Variants in ST6GALNAC3 observed in about 807,000 individuals in gnomAD.
ST6GALNAC3 encodes alpha-N-acetylgalactosaminide alpha-2,6-sialyltransferase 3.
Under a neutral mutation model 32.7 loss-of-function variants are expected in ST6GALNAC3, and 25 were observed. That is an observed-to-expected ratio of 0.76 (90% confidence interval 0.56 to 1.07). ST6GALNAC3 has a LOEUF of 1.07. ST6GALNAC3 is among the 50% of genes least tolerant of loss of function. ST6GALNAC3 has a pLI of 0.00. For missense variants in ST6GALNAC3, 355 were observed against 382.4 expected, an observed-to-expected ratio of 0.93 and a Z score of 0.60; for synonymous variants, 129 against 133.1, an observed-to-expected ratio of 0.97 and a Z score of 0.21.
At chr1:76,297,621 T>C (rs372901160) in intron 1 of ST6GALNAC3, among the ~76,000 whole-genome samples, 1 of 152,040 alleles carries the variant, frequency 6.6e-6, no homozygotes, top group East Asian at 1.9e-4. Context: ...GAGCAAATCA[T>C]TCATCTTTTT....
intron 1 of ST6GALNAC3, among the ~76,000 whole-genome samples, chr1:76,129,675 T>C (rs1649485182): frequency 6.6e-6 from 1 of 152,138 alleles, no homozygotes; most frequent in African/African-American, 2.4e-5. Context: ...ATCAAAGAAG[T>C]GCCCTGATTT....
At chr1:76,165,652 CTT>C (rs1652075749) in intron 1 of ST6GALNAC3, among the ~76,000 whole-genome samples, 1 of 152,152 alleles carries the variant, frequency 6.6e-6, no homozygotes, top group South Asian at 2.1e-4. Context: ...ATAACCATTC[CTT>C]TTTCTCCACA....
intron 2 of ST6GALNAC3, among the ~76,000 whole-genome samples, chr1:76,368,708 T>A (rs564459953): frequency 7.9e-5 from 12 of 152,338 alleles, no homozygotes; most frequent in Admixed American, 4.6e-4. Context: ...TTTGTTAGGA[T>A]CATAATTCTA....
At chr1:76,590,250 T>C (rs1647027220) in intron 3 of ST6GALNAC3, among the ~76,000 whole-genome samples, 1 of 152,196 alleles carries the variant, frequency 6.6e-6, no homozygotes, top group Admixed American at 6.5e-5. Context: ...CTGCCATTAC[T>C]TTTTAGTGTC....
In ST6GALNAC3 at chr1:76,509,896, T is replaced by C. The variant is rs1661735973; in HGVS notation, c.623+97479T>C. Among the ~76,000 whole-genome samples the C allele has an allele frequency of 6.6e-6, 1 of 152,210 alleles. No individual in the cohort carries two copies. The highest frequency in any genetic ancestry group is 2.1e-4 in the South Asian group (1 of 4,832). The stretch of plus-strand genomic sequence containing the variant: ...TCAAGATCCTTAATTTAATTGCACC[T>C]ATGAAGTCCTTTTTGGCATGTAAAG... On this transcript the variant is annotated intron_variant, in intron 3 of 4. Transcript: ENST00000328299. The surrounding 1 kb of genome is among the most constrained non-coding windows in gnomAD (Gnocchi z 5.5).
chr1:76,369,560 G>C (rs1234360263), intron 2 of ST6GALNAC3, among the ~76,000 whole-genome samples: 1 of 152,236 alleles, frequency 6.6e-6, no homozygotes, highest in Non-Finnish European at 1.5e-5. Flanking sequence ...GATGGAGCTA[G>C]GAATATAACT....
At chr1:76,600,993 G>T (rs1170006063) in intron 3 of ST6GALNAC3, among the ~76,000 whole-genome samples, 3 of 152,066 alleles carry the variant, frequency 2.0e-5, no homozygotes, top group Non-Finnish European at 4.4e-5. Flanking sequence ...ACCAGCCTGG[G>T]CAACATGGTG....
intron 1 of ST6GALNAC3, among the ~76,000 whole-genome samples, chr1:76,249,846 G>A (rs1657509648): frequency 6.6e-6 from 1 of 152,010 alleles, no homozygotes; most frequent in Middle Eastern, 3.2e-3. Context: ...GCATTTTTCT[G>A]TTGATTAATA....
At chr1:76,597,440 C>A (rs1247865740) in intron 3 of ST6GALNAC3, among the ~76,000 whole-genome samples, 1 of 151,972 alleles carries the variant, frequency 6.6e-6, no homozygotes, top group African/African-American at 2.4e-5. Context: ...AATGCCTGTG[C>A]CCCCAAAAAT....
chr1:76,552,136 G>A (rs966993496), intron 3 of ST6GALNAC3, among the ~76,000 whole-genome samples: 5 of 152,186 alleles, frequency 3.3e-5, no homozygotes, highest in African/African-American at 1.2e-4. Context: ...CTTGGGGTAT[G>A]TGTGGGACCC....
intron 2 of ST6GALNAC3, among the ~76,000 whole-genome samples, chr1:76,392,040 C>T (rs1193937164): frequency 1.3e-5 from 2 of 152,104 alleles, no homozygotes; most frequent in Non-Finnish European, 2.9e-5. Flanking sequence ...GATAATGCTT[C>T]GTTGTGGGTA....
intron 3 of ST6GALNAC3, among the ~76,000 whole-genome samples, chr1:76,457,534 A>G (rs1266255478): frequency 6.6e-6 from 1 of 151,038 alleles, no homozygotes; most frequent in Non-Finnish European, 1.5e-5. Flanking sequence ...ACCAAAACAG[A>G]GATATAGATC....
chr1:76,327,688 GA>G (rs1647104085), intron 2 of ST6GALNAC3, among the ~76,000 whole-genome samples: 1 of 152,118 alleles, frequency 6.6e-6, no homozygotes, highest in Non-Finnish European at 1.5e-5. Context: ...CTCCTGGGTT[GA>G]AGCAATTCTC....
Position 76,412,122 on chromosome 1 carries a change from GC to G in ST6GALNAC3, c.333del (p.Thr112ProfsTer11), listed in dbSNP as rs770458037. ...CTCCTGCATTTGGAGAATGAACAAT[GC>G]CCCCACCAAAGGTTATGAAGAAGAT... ...RSSCIWRMNN[A>X]PTKGYEEDVG... On this transcript the variant is annotated frameshift_variant, in exon 3 of 5. Transcript: ENST00000328299. LOFTEE classifies it high-confidence loss of function. 1 of 1,613,556 alleles carries G rather than the reference GC, an allele frequency of 6.2e-7. No individual in the cohort carries two copies. Among genetic ancestry groups the G allele is most frequent in the African/African-American group, 1.3e-5 (1 of 74,830 alleles).
intron 3 of ST6GALNAC3, chr1:76,576,727 C>A: frequency 1.3e-6 from 1 of 767,706 alleles, no homozygotes; most frequent in Non-Finnish European, 1.9e-6. Flanking sequence ...TCTGGGGAGC[C>A]TGATTAATCA....
chr1:76,450,834 TGCTTTG>T (rs1411896076), intron 3 of ST6GALNAC3, among the ~76,000 whole-genome samples: 1 of 152,166 alleles, frequency 6.6e-6, no homozygotes, highest in East Asian at 1.9e-4. Context: ...CATTTTTGTT[TGCTTTG>T]TCAAAGATCA....
intron 1 of ST6GALNAC3, among the ~76,000 whole-genome samples, chr1:76,302,087 C>A (rs1488792182): frequency 6.6e-6 from 1 of 151,964 alleles, no homozygotes; most frequent in Non-Finnish European, 1.5e-5. Flanking sequence ...ACGGTGACAA[C>A]AATGATACCA....
chr1:76,436,043 C>T (rs1166295452), intron 3 of ST6GALNAC3, among the ~76,000 whole-genome samples: 1 of 151,958 alleles, frequency 6.6e-6, no homozygotes. Flanking sequence ...CCCAGAGTTG[C>T]TTCACCCTTT....
chr1:76,378,664 C>CG (rs1553187351), intron 2 of ST6GALNAC3, among the ~76,000 whole-genome samples: 1 of 101,670 alleles, frequency 9.8e-6, no homozygotes, highest in African/African-American at 3.7e-5. Context: ...TTCCTTCCCC[C>CG]CCCCAAAAAA....
Sources: allele counts gnomAD v4.1 joint callset (sites outside exome capture counted in the v4.1 genomes callset), GRCh38; gene constraint gnomAD v4.1.1; non-coding constraint Gnocchi (gnomAD v3.1); transcripts MANE v1.5; gene names NCBI Gene and HGNC (gene_info 2026-07-23, HGNC 2026-07-21).